MAPK8: variants seen among roughly 807,000 people sequenced by gnomAD.
The protein encoded by MAPK8 is JUN N-terminal kinase.
In MAPK8, 13 loss-of-function variants were observed where a neutral mutation model predicts 52.9. That is an observed-to-expected ratio of 0.25 (90% confidence interval 0.16 to 0.39). The LOEUF is 0.39. Ranked by LOEUF, MAPK8 falls within the 10% of genes least tolerant of loss-of-function variation. The probability of loss-of-function intolerance (pLI) is 1.00; values close to 1 mark genes in which losing one functional copy is unlikely to be tolerated. For missense variants in MAPK8, 300 were observed against 519.2 expected (o/e 0.58, Z 4.10); for synonymous variants, 191 against 169.8 (o/e 1.12, Z -0.97).
chr10:48,365,040 A>G (rs1301347106), intron 1 of MAPK8, among the ~76,000 whole-genome samples: 1 of 152,192 alleles, frequency 6.6e-6, no homozygotes, highest in East Asian at 1.9e-4. Context: ...TTAAAGGAGA[A>G]TGGCAAGTTA....
chr10:48,384,923 C>T (rs1368216119), intron 1 of MAPK8, among the ~76,000 whole-genome samples: 1 of 152,118 alleles, frequency 6.6e-6, no homozygotes, highest in Non-Finnish European at 1.5e-5. Context: ...CAGCCTAGGA[C>T]ACACTTCCAA....
chr10:48,376,242 A>G (rs2040654045), intron 1 of MAPK8, among the ~76,000 whole-genome samples: 1 of 152,204 alleles, frequency 6.6e-6, no homozygotes, highest in African/African-American at 2.4e-5. Flanking sequence ...TTAACTCAAG[A>G]TGGATTAAAG....
At chr10:48,397,968 C>T (rs1484276981) in intron 1 of MAPK8, among the ~76,000 whole-genome samples, 1 of 152,140 alleles carries the variant, frequency 6.6e-6, no homozygotes, top group East Asian at 1.9e-4. Context: ...GAACTATACA[C>T]ACACAGGGCA....
chr10:48,307,126 GAGA>G (rs1397006211), intron 1 of MAPK8: 1 of 152,544 alleles, frequency 6.6e-6, no homozygotes, highest in Non-Finnish European at 1.5e-5. Flanking sequence ...TCCGCGGCGG[GAGA>G]AGAAAATGGA....
chr10:48,387,412 GAGA>G (rs2132808679), intron 1 of MAPK8, among the ~76,000 whole-genome samples: 1 of 152,294 alleles, frequency 6.6e-6, no homozygotes, highest in South Asian at 2.1e-4. Context: ...ACAGAAAAGG[GAGA>G]AGGAGAAAGA....
chr10:48,424,787 A>T (rs1241223242), intron 7 of MAPK8, among the ~76,000 whole-genome samples: 4 of 152,090 alleles, frequency 2.6e-5, no homozygotes, highest in Non-Finnish European at 5.9e-5. Context: ...CTCAATTGTA[A>T]TTATGCACAA....
chr10:48,388,602 T>TC (rs1306835989), intron 1 of MAPK8, among the ~76,000 whole-genome samples: 1 of 152,118 alleles, frequency 6.6e-6, no homozygotes, highest in Non-Finnish European at 1.5e-5. Flanking sequence ...TCTAGCATGT[T>TC]CCCCCCAGTT....
At position 48,435,312 on chromosome 10, in the gene MAPK8, G is replaced by T; in HGVS notation, c.*283G>T. 3.4e-6 allele frequency: 1 copy of T among 297,206 alleles called. No homozygotes were observed. The highest frequency in any genetic ancestry group is 6.1e-6 in the Non-Finnish European group (1 of 163,324). 18.4% of individuals were successfully genotyped at this position (297,206 alleles called of 1,614,324 possible). A position where few individuals can be genotyped will look rare whatever the true frequency, so the allele number is the denominator to read the frequency against. On this transcript the variant is annotated 3_prime_UTR_variant, in exon 12 of 12. Transcript: ENST00000374189. ...CATGGTTTAAATTTTTTGCATATTT[G>T]CTTTATCTTATGCTGCTGATTTTTT...
chr10:48,368,745 G>A (rs1362544367), intron 1 of MAPK8, among the ~76,000 whole-genome samples: 2 of 152,208 alleles, frequency 1.3e-5, no homozygotes, highest in Admixed American at 1.3e-4. Context: ...GACAAAGAAA[G>A]TGACCCAGAG....
rs1167217410 is a variant in MAPK8, at chr10:48,315,974, AG to A, written c.-50+9156del. Reference sequence around the variant, plus strand: ...AAATGTTATGAATAATAATGAAATTAGGGAGGGATTATGGGAATACTTAAAG... The same window carrying A: ...AAATGTTATGAATAATAATGAAATTAGGAGGGATTATGGGAATACTTAAAG... On this transcript the variant is annotated intron_variant, in intron 1 of 11. Transcript: ENST00000374189. 3.3e-5 allele frequency among the ~76,000 whole-genome samples: 5 copies of A among 152,332 alleles called. No homozygotes were observed. In the East Asian group the frequency reaches 9.6e-4, roughly 29 times the overall value.
intron 1 of MAPK8, among the ~76,000 whole-genome samples, chr10:48,309,992 C>T (rs1482685942): frequency 6.6e-6 from 1 of 152,146 alleles, no homozygotes. Flanking sequence ...CATTTAGAAG[C>T]CTTGCATTCT....
chr10:48,439,095 G>A lies in MAPK8; in HGVS notation c.*4066G>A, dbSNP rs780220395. 4.6e-5 allele frequency: 7 copies of A among 152,138 alleles called. No individual in the cohort carries two copies. Among genetic ancestry groups the A allele is most frequent in the Admixed American group, 3.3e-4 (5 of 15,280 alleles). The allele number at this position is 152,138 out of a possible 1,614,324, so 9.4% of individuals were successfully genotyped here. A position where few individuals can be genotyped will look rare whatever the true frequency, so the allele number is the denominator to read the frequency against. ...GTGTCACACCTGGAAACCTGAGTAT[G>A]ATAGCTGACATTTGCTTTTCTCCCT... On this transcript the variant is annotated 3_prime_UTR_variant, in exon 12 of 12. Coordinates refer to ENST00000374189, the MANE Select transcript of MAPK8 (RefSeq NM_001323329.2).
intron 1 of MAPK8, among the ~76,000 whole-genome samples, chr10:48,364,783 T>A (rs1159595456): frequency 1.3e-5 from 2 of 152,170 alleles, no homozygotes; most frequent in Non-Finnish European, 2.9e-5. Flanking sequence ...TACTTTCATA[T>A]CCTAAAGACA....
At chr10:48,372,699 A>G (rs998606444) in intron 1 of MAPK8, among the ~76,000 whole-genome samples, 24 of 152,118 alleles carry the variant, frequency 1.6e-4, no homozygotes, top group Admixed American at 3.9e-4. Context: ...GTGAAAAGAA[A>G]CAAATAAAGC....
At chr10:48,428,538 G>C (rs1342893357) in intron 10 of MAPK8, among the ~76,000 whole-genome samples, 1 of 152,188 alleles carries the variant, frequency 6.6e-6, no homozygotes, top group Non-Finnish European at 1.5e-5. Context: ...GCATGAATTT[G>C]ATTCTTTCTT....
At chr10:48,307,968 G>A (rs949344469) in intron 1 of MAPK8, 1 of 152,216 alleles carries the variant, frequency 6.6e-6, no homozygotes, top group Non-Finnish European at 1.5e-5. Context: ...GTTAAGGAAG[G>A]TATGGTTATA....
intron 5 of MAPK8, among the ~76,000 whole-genome samples, chr10:48,413,769 A>AATTGAATATT (rs1404333813): frequency 7.2e-6 from 1 of 138,386 alleles, no homozygotes; most frequent in African/African-American, 2.7e-5. Flanking sequence ...CCAAATTGGG[A>AATTGAATATT]ATTGAATATT....
intron 11 of MAPK8, 86 bp downstream of exon 11, chr10:48,431,356 A>G: frequency 1.2e-6 from 1 of 838,344 alleles, no homozygotes; most frequent in Non-Finnish European, 1.9e-6. Context: ...AGTTCTTCCC[A>G]TATTTACAAA....
intron 1 of MAPK8, among the ~76,000 whole-genome samples, chr10:48,315,635 T>A (rs1832646614): frequency 6.6e-6 from 1 of 150,826 alleles, no homozygotes; most frequent in South Asian, 2.1e-4. Context: ...GCATCTTTTT[T>A]TCCACTTTTA....
Sources: allele counts gnomAD v4.1 joint callset (sites outside exome capture counted in the v4.1 genomes callset), GRCh38; gene constraint gnomAD v4.1.1; transcripts MANE v1.5; gene names NCBI Gene and HGNC (gene_info 2026-07-23, HGNC 2026-07-21).